Variants in NINJ2 observed in about 807,000 individuals in gnomAD.
NINJ2 encodes the protein ninjurin-2.
A neutral mutation model predicts 11.7 loss-of-function variants in NINJ2; 12 were observed. The ratio of observed to expected loss-of-function variants is 1.02; its 90% CI spans 0.66 to 1.66. The LOEUF (loss-of-function observed/expected upper bound fraction) is 1.66, where lower values mean the gene tolerates loss of function less well. NINJ2 is among the 40% of genes most tolerant of loss of function. NINJ2 has a pLI of 0.00. For missense variants in NINJ2, 187 were observed against 181.8 expected, an observed-to-expected ratio of 1.03 and a Z score of -0.16; for synonymous variants, 93 against 76.8, an observed-to-expected ratio of 1.21 and a Z score of -1.10.
At position 640,782 on chromosome 12, in the gene NINJ2, A is replaced by T. The variant is rs1190244894; in HGVS notation, c.33+22546T>A. On this transcript the variant is annotated intron_variant, in intron 1 of 3. Coordinates refer to ENST00000305108, the MANE Select transcript of NINJ2 (RefSeq NM_016533.6). This position sits in a 1 kb window ranked among gnomAD's most constrained non-coding sequence, Gnocchi z 4.0. ...CAAAGTGCTGGGATTACAGGTGTGA[A>T]TCATTGTGCTAGGCCACATTTTTTT... The T allele has an allele frequency of 2.0e-5, 3 of 152,736 alleles. No individual in the cohort carries two copies. The highest frequency in any genetic ancestry group is 7.2e-5 in the African/African-American group (3 of 41,408). The allele number at this position is 152,736 out of a possible 1,614,324, so 9.5% of individuals were successfully genotyped here. A position where few individuals can be genotyped will look rare whatever the true frequency, so the allele number is the denominator to read the frequency against.
At chr12:643,890 C>T (rs1406933866) in intron 1 of NINJ2, 1 of 156,700 alleles carries the variant, frequency 6.4e-6, no homozygotes, top group Non-Finnish European at 1.4e-5. Context: ...GCCTCTGCTT[C>T]CGGTTTTCAT....
At chr12:609,299 C>T (rs1947990561) in intron 1 of NINJ2, among the ~76,000 whole-genome samples, 1 of 143,002 alleles carries the variant, frequency 7.0e-6, no homozygotes, top group Admixed American at 7.0e-5. Flanking sequence ...AACGCACACG[C>T]ACGGCGCCAC....
At chr12:663,299 C>A (rs762172409) in intron 1 of NINJ2, 29 bp downstream of exon 1, 2 of 1,605,306 alleles carry the variant, frequency 1.2e-6, no homozygotes, top group Non-Finnish European at 1.7e-6. Context: ...TCCCGGTCTC[C>A]CCTCTGCTCT....
rs1947530343 is a variant in NINJ2 at position 580,414 on chromosome 12, C to A, written c.34-14236G>T. On this transcript the variant is annotated intron_variant, in intron 1 of 3. Transcript: ENST00000305108. This position sits in a 1 kb window ranked among gnomAD's most constrained non-coding sequence, Gnocchi z 4.7. ...ATGAGCCTGGGCAAAATGGTGAAAC[C>A]CCATCTCTACTAAAAATACAAAAAT... Among the ~76,000 whole-genome samples, 1 of 151,870 alleles carries A rather than the reference C, an allele frequency of 6.6e-6. No homozygotes were observed. Among genetic ancestry groups the A allele is most frequent in the Non-Finnish European group, 1.5e-5 (1 of 67,966 alleles).
At chr12:642,766 G>C (rs1424478629) in intron 1 of NINJ2, 1 of 152,162 alleles carries the variant, frequency 6.6e-6, no homozygotes, top group Non-Finnish European at 1.5e-5. Flanking sequence ...CCTCCCGCGG[G>C]GGAAGGAAGA....
rs139452771 is a variant in NINJ2, at chr12:649,531, G to GTGTATATATATATATATATA, written c.33+13796_33+13797insTATATATATATATATATACA. 2.6e-4 allele frequency among the ~76,000 whole-genome samples: 33 copies of GTGTATATATATATATATATA among 127,690 alleles called. No homozygotes were observed. The East Asian group carries it at 3.0e-3, about 12-fold the overall frequency. The allele number at this position is 127,690 out of a possible 152,430, so 83.8% of individuals were successfully genotyped here. On this transcript the variant is annotated intron_variant, in intron 1 of 3. Transcript: ENST00000305108. Reference sequence around the variant, plus strand: ...AGTGAATATGTGTGTGTGTATATGTGTATATATATATATATATATATAGTA... The same window carrying GTGTATATATATATATATATA: ...AGTGAATATGTGTGTGTGTATATGTGTGTATATATATATATATATATATATATATATATATATATATAGTA...
Position 640,486 on chromosome 12 carries a change from T to G in NINJ2, c.33+22842A>C, listed in dbSNP as rs1948404619. On this transcript the variant is annotated intron_variant, in intron 1 of 3. Transcript: ENST00000305108. The surrounding 1 kb of genome is among the most constrained non-coding windows in gnomAD (Gnocchi z 4.0). Reference sequence around the variant, plus strand: ...CATTAATTCATCCCTGGTACTTGACTTCTATTCCTCCTTTCTTCTTAATGG... The same window carrying G: ...CATTAATTCATCCCTGGTACTTGACGTCTATTCCTCCTTTCTTCTTAATGG... Among the ~76,000 whole-genome samples the G allele has an allele frequency of 6.6e-6, 1 of 152,198 alleles. No homozygotes were observed. The highest frequency in any genetic ancestry group is 1.5e-5 in the Non-Finnish European group (1 of 68,022).
Position 615,567 on chromosome 12 carries a change from C to A in NINJ2, c.33+47761G>T, listed in dbSNP as rs111864926. 1.1e-3 allele frequency among the ~76,000 whole-genome samples: 175 copies of A among 152,204 alleles called. 2 individuals are homozygous for A. The highest frequency in any genetic ancestry group is 4.1e-3 in the African/African-American group (170 of 41,526). On this transcript the variant is annotated intron_variant, in intron 1 of 3. Coordinates refer to ENST00000305108, the MANE Select transcript of NINJ2 (RefSeq NM_016533.6). ...CACACCATTGCACTCTAGCCCCGGG[C>A]GACAAGAGCGAAACTCCATCTTAAA...
At chr12:589,512 G>A (rs931586204) in intron 1 of NINJ2, 1 of 152,138 alleles carries the variant, frequency 6.6e-6, no homozygotes, top group Non-Finnish European at 1.5e-5. Context: ...CCAATTGTAG[G>A]TTGTTTTCTC....
chr12:576,048 G>T (rs1947454030), intron 1 of NINJ2, among the ~76,000 whole-genome samples: 1 of 152,148 alleles, frequency 6.6e-6, no homozygotes, highest in African/African-American at 2.4e-5. Flanking sequence ...CAGTGATCTC[G>T]CCCTTAAAAA....
In NINJ2 at chr12:662,295, G is replaced by A. The variant is rs968520634; in HGVS notation, c.33+1033C>T. Reference sequence around the variant, plus strand: ...GCAGTTGTACTAGGTGAATGGTTTTGACACAGCACACCAAGCAGTCCTACA... The same window carrying A: ...GCAGTTGTACTAGGTGAATGGTTTTAACACAGCACACCAAGCAGTCCTACA... On this transcript the variant is annotated intron_variant, in intron 1 of 3. Transcript: ENST00000305108. 4.6e-5 allele frequency among the ~76,000 whole-genome samples: 7 copies of A among 152,294 alleles called. No individual in the cohort carries two copies. In the East Asian group the frequency reaches 1.2e-3, roughly 25 times the overall value.
At chr12:619,943 T>C (rs1421622374) in intron 1 of NINJ2, among the ~76,000 whole-genome samples, 1 of 152,198 alleles carries the variant, frequency 6.6e-6, no homozygotes, top group Non-Finnish European at 1.5e-5. Context: ...AGGGTTATAG[T>C]GAGGACTAAG....
At chr12:635,052 A>G (rs1051380160) in intron 1 of NINJ2, among the ~76,000 whole-genome samples, 3 of 143,180 alleles carry the variant, frequency 2.1e-5, no homozygotes, top group African/African-American at 5.1e-5. Flanking sequence ...GTCCCCATAT[A>G]CTTTTTTTTT....
chr12:651,989 TAAATG>T (rs981562009), intron 1 of NINJ2, among the ~76,000 whole-genome samples: 9 of 152,032 alleles, frequency 5.9e-5, no homozygotes, highest in South Asian at 2.1e-4. Context: ...GTAATGGAAA[TAAATG>T]AAGGAGGAGG....
intron 1 of NINJ2, chr12:632,294 A>G (rs1281252538): frequency 6.6e-6 from 1 of 152,222 alleles, no homozygotes; most frequent in Non-Finnish European, 1.5e-5. Flanking sequence ...ACAGGAAAAC[A>G]AATCTCTTTT....
intron 1 of NINJ2, among the ~76,000 whole-genome samples, chr12:596,628 TA>T (rs1168612147): frequency 2.0e-5 from 3 of 152,012 alleles, no homozygotes; most frequent in Non-Finnish European, 4.4e-5. Context: ...TTTCCAAATA[TA>T]AAAAAGTGGC....
intron 1 of NINJ2, among the ~76,000 whole-genome samples, chr12:587,633 C>T (rs928166048): frequency 6.6e-6 from 1 of 152,174 alleles, no homozygotes; most frequent in Admixed American, 6.5e-5. Flanking sequence ...TGACCACTCT[C>T]CATCTCACCC....
At chr12:576,100 G>A (rs1947455094) in intron 1 of NINJ2, among the ~76,000 whole-genome samples, 1 of 152,194 alleles carries the variant, frequency 6.6e-6, no homozygotes, top group Admixed American at 6.5e-5. Flanking sequence ...TTTCTTTTGC[G>A]TGTTATTCCA....
In NINJ2 at chr12:625,993, G is replaced by T. The variant is rs147724875; in HGVS notation, c.33+37335C>A. On this transcript the variant is annotated intron_variant, in intron 1 of 3. Transcript: ENST00000305108. ...AGATATCATGATCGGTGAGGGATTA[G>T]GCTGTAAGAGTTTCATTAAATTTAG... Among the ~76,000 whole-genome samples, 22 of 152,328 alleles carry T rather than the reference G, an allele frequency of 1.4e-4. No individual in the cohort carries two copies. The East Asian group carries it at 4.0e-3, about 28-fold the overall frequency.
Sources: allele counts gnomAD v4.1 joint callset (sites outside exome capture counted in the v4.1 genomes callset), GRCh38; gene constraint gnomAD v4.1.1; non-coding constraint Gnocchi (gnomAD v3.1); transcripts MANE v1.5; gene names NCBI Gene and HGNC (gene_info 2026-07-23, HGNC 2026-07-21).